Variants in RPE65 observed in about 807,000 individuals in gnomAD.
RPE65 encodes the protein retinoid isomerohydrolase.
A neutral mutation model predicts 68.5 loss-of-function variants in RPE65; 58 were observed. The observed-to-expected ratio is 0.85, with a 90% confidence interval of 0.69 to 1.05. The LOEUF (loss-of-function observed/expected upper bound fraction) is 1.05. Ranked by LOEUF, RPE65 falls within the 50% of genes least tolerant of loss-of-function variation. The probability of loss-of-function intolerance (pLI) is 0.00; values close to 1 mark genes in which losing one functional copy is unlikely to be tolerated. For synonymous variants in RPE65, 220 were observed against 222.2 expected (o/e 0.99, Z 0.09); for missense variants, 643 against 629.9 (o/e 1.02, Z -0.22).
chr1:68,446,886 T>G (rs1243444648), intron 2 of RPE65, 26 bp from the exon 3 acceptor site: 1 of 1,612,658 alleles, frequency 6.2e-7, no homozygotes, highest in South Asian at 1.1e-5. Flanking sequence ...GACAGAACAT[T>G]GCTTCTTATC....
chr1:68,438,384 C>CT, intron 9 of RPE65, 68 bp from the exon 10 acceptor site: 1 of 1,571,264 alleles, frequency 6.4e-7, no homozygotes, highest in Middle Eastern at 2.2e-4. Context: ...TGATTCTTGC[C>CT]TTTTTAAGCA....
chr1:68,441,066 G>A, intron 5 of RPE65, 66 bp from the exon 6 acceptor site: 2 of 1,582,826 alleles, frequency 1.3e-6, no homozygotes, highest in Non-Finnish European at 1.7e-6. Context: ...TTGTCCCTAG[G>A]TCTGAGGTCA....
At chr1:68,437,759 T>G (rs1332336595) in intron 10 of RPE65, among the ~76,000 whole-genome samples, 1 of 152,148 alleles carries the variant, frequency 6.6e-6, no homozygotes, top group East Asian at 1.9e-4. Flanking sequence ...TTCAGAAGAT[T>G]TATAGAAAAC....
chr1:68,445,283 G>A (rs538307721), intron 3 of RPE65, among the ~76,000 whole-genome samples: 1 of 152,168 alleles, frequency 6.6e-6, no homozygotes, highest in Non-Finnish European at 1.5e-5. Context: ...AACTTACTGG[G>A]AAAATTCCGG....
chr1:68,432,225 ATTC>A (rs1213871443), intron 10 of RPE65, among the ~76,000 whole-genome samples: 4 of 152,106 alleles, frequency 2.6e-5, no homozygotes, highest in Non-Finnish European at 5.9e-5. Flanking sequence ...TCTAGACTCT[ATTC>A]TTGGCATTCA....
rs776435165 is a variant in RPE65 at position 68,449,915 on chromosome 1, G to A, written c.-10C>T. ...CTTACTGGATAGACATTTTCTTCCA[G>A]TTCAGGATCCAGAGTTCTGGCACCA... On this transcript the variant is annotated 5_prime_UTR_variant, in exon 1 of 14. Transcript: ENST00000262340. 3 of 1,614,126 alleles carry A rather than the reference G, an allele frequency of 1.9e-6. No individual in the cohort carries two copies. The highest frequency in any genetic ancestry group is 1.1e-5 in the South Asian group (1 of 91,070).
Position 68,429,704 on chromosome 1 carries a change from C to G in RPE65, c.*72G>C. The stretch of plus-strand genomic sequence containing the variant: ...TGACATATAGCAGGCTAAAATTGAA[C>G]AGAATTTGATTGCAGACCTGAAGCT... On this transcript the variant is annotated 3_prime_UTR_variant, in exon 14 of 14. Transcript: ENST00000262340. 6.3e-7 allele frequency: 1 copy of G among 1,595,554 alleles called. No homozygotes were observed. Among genetic ancestry groups the G allele is most frequent in the Non-Finnish European group, 8.6e-7 (1 of 1,166,378 alleles).
rs1457512344 is a variant in RPE65 at position 68,428,914 on chromosome 1, T to TA, written c.*861dup. The TA allele has an allele frequency of 4.6e-5, 7 of 152,154 alleles. No individual in the cohort carries two copies. Among genetic ancestry groups the TA allele is most frequent in the African/African-American group, 1.7e-4 (7 of 41,466 alleles). The allele number at this position is 152,154 out of a possible 1,614,324, so 9.4% of individuals were successfully genotyped here. A position where few individuals can be genotyped will look rare whatever the true frequency, so the allele number is the denominator to read the frequency against. ...AAATGTATTAATACCTCAATGTTAATAATTTAATATTTTTCCCAAGTGATT... is the reference window on the plus strand; with the variant it reads ...AAATGTATTAATACCTCAATGTTAATAAATTTAATATTTTTCCCAAGTGATT... On this transcript the variant is annotated 3_prime_UTR_variant, in exon 14 of 14. Coordinates refer to ENST00000262340, the MANE Select transcript of RPE65 (RefSeq NM_000329.3).
intron 1 of RPE65, 40 bp from the exon 2 acceptor site, chr1:68,448,746 G>A (rs1270402966): frequency 6.4e-7 from 1 of 1,565,228 alleles, no homozygotes; most frequent in Non-Finnish European, 8.8e-7. Flanking sequence ...CCATGTTGAT[G>A]CTCAAAGTCC....
At chr1:68,434,692 C>T (rs1470413942) in intron 10 of RPE65, among the ~76,000 whole-genome samples, 3 of 151,758 alleles carry the variant, frequency 2.0e-5, no homozygotes, top group African/African-American at 4.8e-5. Flanking sequence ...TTCTATTTTG[C>T]TTATTTTCAT....
chr1:68,433,139 A>G (rs1206557237), intron 10 of RPE65, among the ~76,000 whole-genome samples: 1 of 152,226 alleles, frequency 6.6e-6, no homozygotes, highest in Non-Finnish European at 1.5e-5. Flanking sequence ...AGCTGGCGCT[A>G]GCAGGTAAGA....
chr1:68,437,886 T>C (rs1645872214), intron 10 of RPE65, among the ~76,000 whole-genome samples: 1 of 152,340 alleles, frequency 6.6e-6, no homozygotes, highest in South Asian at 2.1e-4. Context: ...TCAGTGGATC[T>C]GCACTATTCA....
chr1:68,439,715 G>A, intron 6 of RPE65, 73 bp from the exon 7 acceptor site: 3 of 1,108,886 alleles, frequency 2.7e-6, no homozygotes, highest in Non-Finnish European at 4.1e-6. Context: ...ATTTAGAACA[G>A]CTTATACAGG....
chr1:68,441,123 C>A, intron 5 of RPE65, 123 bp from the exon 6 acceptor site: 1 of 1,147,448 alleles, frequency 8.7e-7, no homozygotes, highest in Non-Finnish European at 1.3e-6. Flanking sequence ...TCTTTCTTCC[C>A]ATCTCTCTGG....
Position 68,444,821 on chromosome 1 carries a change from A to G in RPE65, c.308T>C (p.Phe103Ser), listed in dbSNP as rs1645930469. 6.2e-7 allele frequency: 1 copy of G among 1,614,078 alleles called. No homozygotes were observed. Among genetic ancestry groups the G allele is most frequent in the Non-Finnish European group, 8.5e-7 (1 of 1,180,020 alleles). ...GGGATCTGGGAAAGCACAGGTGCCA[A>G]ATTCTGTTATGACGATCCTTTTCTC... ...MTEKRIVITEFGTCAFPDPCK... is the reference protein window; with the variant it reads ...MTEKRIVITESGTCAFPDPCK... The change falls in exon 4 of 14, where the codon TTT becomes TCT. Residue 103 changes from phenylalanine (F) to serine (S), a missense_variant. By Grantham distance (155) the Phe-to-Ser change is radical. Coordinates refer to ENST00000262340, the MANE Select transcript of RPE65 (RefSeq NM_000329.3).
intron 2 of RPE65, 94 bp from the exon 3 acceptor site, chr1:68,446,954 G>T (rs1393841704): frequency 1.3e-6 from 2 of 1,528,340 alleles, no homozygotes; most frequent in Non-Finnish European, 1.8e-6. Flanking sequence ...GCCTGATTGG[G>T]CAGCTTCTTC....
chr1:68,438,457 G>T, intron 9 of RPE65, 141 bp from the exon 10 acceptor site: 1 of 968,586 alleles, frequency 1.0e-6, no homozygotes, highest in Non-Finnish European at 1.5e-6. Context: ...GTGTATCAGA[G>T]CCATTTCCTC....
intron 3 of RPE65, among the ~76,000 whole-genome samples, 159 bp from the exon 4 acceptor site, chr1:68,445,042 A>G (rs1246109940): frequency 6.6e-6 from 1 of 152,188 alleles, no homozygotes; most frequent in African/African-American, 2.4e-5. Flanking sequence ...TCTTGGGGTG[A>G]CCAAGCAGGG....
intron 5 of RPE65, among the ~76,000 whole-genome samples, chr1:68,443,195 G>A (rs916529786): frequency 1.3e-5 from 2 of 152,178 alleles, no homozygotes; most frequent in African/African-American, 2.4e-5. Context: ...ATCCTACCCT[G>A]TGTCTCAATA....
Sources: gnomAD v4.1 joint callset for allele counts (sites outside exome capture counted in the v4.1 genomes callset) on GRCh38, gnomAD v4.1.1 for gene constraint, MANE v1.5 for transcripts, NCBI Gene and HGNC (gene_info 2026-07-23, HGNC 2026-07-21) for gene names.